Variants in TP73 observed in about 807,000 individuals in gnomAD.
TP73 encodes the protein p53-like transcription factor.
In TP73, 25 loss-of-function variants were observed where a neutral mutation model predicts 62.5. That is an observed-to-expected ratio of 0.40 (90% confidence interval 0.29 to 0.56). The LOEUF (loss-of-function observed/expected upper bound fraction) is 0.56, where lower values mean the gene tolerates loss of function less well. Ranked by LOEUF, TP73 falls within the 20% of genes least tolerant of loss-of-function variation. TP73 has a pLI of 0.46. For missense variants in TP73, 754 were observed against 913.3 expected (o/e 0.83, Z 2.25); for synonymous variants, 423 against 377.5 (o/e 1.12, Z -1.40).
At chr1:3,673,791 C>T (rs1295440701) in intron 1 of TP73, among the ~76,000 whole-genome samples, 2 of 152,198 alleles carry the variant, frequency 1.3e-5, no homozygotes, top group Non-Finnish European at 2.9e-5. Context: ...GTGGATTGGG[C>T]CTCAATGTAC....
chr1:3,733,217 C>T lies in TP73; in HGVS notation c.*138C>T. ...GGGAAAGGCAAGGTCCGGCCCATCC[C>T]CAGGCACCTCACAGGCCCCAGGAAA... On this transcript the variant is annotated 3_prime_UTR_variant, in exon 14 of 14. Coordinates refer to ENST00000378295, the MANE Select transcript of TP73 (RefSeq NM_005427.4). 1 of 1,062,984 alleles carries T rather than the reference C, an allele frequency of 9.4e-7. No homozygotes were observed. Among genetic ancestry groups the T allele is most frequent in the South Asian group, 1.7e-5 (1 of 59,962 alleles). 65.8% of individuals were successfully genotyped at this position (1,062,984 alleles called of 1,614,324 possible).
Position 3,699,091 on chromosome 1 carries a change from G to A in TP73, c.187-8458G>A, listed in dbSNP as rs1363888048. ...GCTGTGGGTGAGAGCAGAGGGTGCT[G>A]TGGATGAGAGCAGAGGGTGCTGTGT... On this transcript the variant is annotated intron_variant, in intron 3 of 13. Coordinates refer to ENST00000378295, the MANE Select transcript of TP73 (RefSeq NM_005427.4). This position sits in a 1 kb window ranked among gnomAD's most constrained non-coding sequence, Gnocchi z 4.1. Among the ~76,000 whole-genome samples, 1 of 152,144 alleles carries A rather than the reference G, an allele frequency of 6.6e-6. No homozygotes were observed. The highest frequency in any genetic ancestry group is 1.9e-4 in the East Asian group (1 of 5,194).
chr1:3,676,242 G>T (rs1007745024), intron 1 of TP73, among the ~76,000 whole-genome samples: 11 of 150,490 alleles, frequency 7.3e-5, no homozygotes, highest in Admixed American at 2.0e-4. Flanking sequence ...ACAGGGAACA[G>T]GGAGGGGACC....
intron 1 of TP73, among the ~76,000 whole-genome samples, chr1:3,653,344 A>C (rs757460260): frequency 3.3e-5 from 5 of 152,066 alleles, no homozygotes; most frequent in African/African-American, 7.2e-5. Flanking sequence ...ACGCCCCCTT[A>C]GCTCCTGGGC....
chr1:3,667,726 G>A (rs1645152018), intron 1 of TP73, among the ~76,000 whole-genome samples: 1 of 150,742 alleles, frequency 6.6e-6, no homozygotes, highest in South Asian at 2.1e-4. Flanking sequence ...CTCCAGCCTG[G>A]GCGACAGAGA....
At chr1:3,706,257 C>T (rs1375657574) in intron 3 of TP73, among the ~76,000 whole-genome samples, 3 of 152,174 alleles carry the variant, frequency 2.0e-5, no homozygotes, top group Admixed American at 6.5e-5. Context: ...TGGGGTCAAT[C>T]GTTTCCCCAG....
chr1:3,690,468 C>G (rs532168063), intron 3 of TP73, among the ~76,000 whole-genome samples: 1 of 152,160 alleles, frequency 6.6e-6, no homozygotes, highest in Non-Finnish European at 1.5e-5. Context: ...GGGCCTGGGG[C>G]CCCCCGAGCC....
intron 1 of TP73, chr1:3,668,500 T>A (rs943049698): frequency 4.1e-5 from 6 of 144,602 alleles, no homozygotes; most frequent in Non-Finnish European, 7.5e-5. Flanking sequence ...TGTTGAATTA[T>A]CTGAACTTGC....
intron 1 of TP73, among the ~76,000 whole-genome samples, chr1:3,673,293 G>A (rs557498867): frequency 1.7e-4 from 26 of 152,216 alleles, no homozygotes; most frequent in Admixed American, 1.3e-3. Context: ...CCACCTTTCC[G>A]CCCCCGTGTG....
At chr1:3,707,420 C>T in intron 3 of TP73, 129 bp from the exon 4 acceptor site, 1 of 1,331,940 alleles carries the variant, frequency 7.5e-7, no homozygotes, top group East Asian at 2.3e-5. Context: ...GGGGGAGAGA[C>T]CCGGGGAAAT....
At chr1:3,719,890 TTGTGTGTGTGTGTG>T (rs5772122) in intron 4 of TP73, among the ~76,000 whole-genome samples, 211 of 132,208 alleles carry the variant, frequency 1.6e-3, no homozygotes, top group African/African-American at 5.3e-3. Flanking sequence ...TTTTTTCTCT[TTGTGTGTGTGTGTG>T]TGTGTGTGTG....
At chr1:3,687,571 AAT>A (rs57765962) in intron 3 of TP73, among the ~76,000 whole-genome samples, 29,524 of 152,124 alleles carry the variant, frequency 0.19, 3,050 homozygotes, top group South Asian at 0.28. Flanking sequence ...AGCGCAGGGC[AAT>A]GAGACCTGCG....
At chr1:3,730,864 G>A in intron 11 of TP73, 63 bp from the exon 12 acceptor site, 5 of 1,518,666 alleles carry the variant, frequency 3.3e-6, no homozygotes, top group Non-Finnish European at 4.4e-6. Context: ...TGGAGCCTGG[G>A]TGGAGGCTGC....
At chr1:3,715,547 C>G (rs1209524278) in intron 4 of TP73, among the ~76,000 whole-genome samples, 1 of 152,012 alleles carries the variant, frequency 6.6e-6, no homozygotes, top group African/African-American at 2.4e-5. Flanking sequence ...CAGTGCCTGA[C>G]CTCCCAGGGC....
At position 3,662,919 on chromosome 1, in the gene TP73, GA is replaced by G. The variant is rs1362197402; in HGVS notation, c.-34+10281del. Among the ~76,000 whole-genome samples the G allele has an allele frequency of 2.0e-5, 3 of 152,228 alleles. No individual in the cohort carries two copies. Among genetic ancestry groups the G allele is most frequent in the Non-Finnish European group, 4.4e-5 (3 of 68,038 alleles). The stretch of plus-strand genomic sequence containing the variant: ...GCTCCGAGCGCTCTCAGAGAAAAAC[GA>G]AATTCTCTTTTATAAGAGAAACTTG... On this transcript the variant is annotated intron_variant, in intron 1 of 13. Coordinates refer to ENST00000378295, the MANE Select transcript of TP73 (RefSeq NM_005427.4). This position sits in a 1 kb window ranked among gnomAD's most constrained non-coding sequence, Gnocchi z 4.4.
At chr1:3,679,899 CTG>C (rs1371731803) in intron 1 of TP73, among the ~76,000 whole-genome samples, 2 of 152,046 alleles carry the variant, frequency 1.3e-5, no homozygotes, top group East Asian at 3.9e-4. Flanking sequence ...CTCCGTCTCT[CTG>C]TCTCTCTTCC....
chr1:3,674,264 TGCCTCCCCTCCCCTCCCGCTTCCCGTGG>T (rs1289997693), intron 1 of TP73, among the ~76,000 whole-genome samples: 2 of 152,204 alleles, frequency 1.3e-5, no homozygotes, highest in Non-Finnish European at 2.9e-5. Flanking sequence ...CCTGGGCATC[TGCCTCCCCTCCCCTCCCGCTTCCCGTGG>T]GCCACGGCCC....
rs1318760103 is a variant in TP73 at position 3,671,497 on chromosome 1, A to G, written c.-33-10836A>G. 2.6e-5 allele frequency among the ~76,000 whole-genome samples: 4 copies of G among 152,286 alleles called. No homozygotes were observed. The South Asian group carries it at 6.2e-4, about 24-fold the overall frequency. ...TTGGGCTGACCCAGCCATCGTCGGG[A>G]GCCCCCTTCGTGACGGGGGCAAAGG... On this transcript the variant is annotated intron_variant, in intron 1 of 13. Transcript: ENST00000378295.
chr1:3,712,102 G>A (rs1640200971), intron 4 of TP73: 1 of 152,196 alleles, frequency 6.6e-6, no homozygotes, highest in Non-Finnish European at 1.5e-5. Flanking sequence ...CACGATCATG[G>A]TATCAATTGC....
Sources: gnomAD v4.1 joint callset for allele counts (sites outside exome capture counted in the v4.1 genomes callset) on GRCh38, gnomAD v4.1.1 for gene constraint, Gnocchi (gnomAD v3.1) non-coding constraint, MANE v1.5 for transcripts, NCBI Gene and HGNC (gene_info 2026-07-23, HGNC 2026-07-21) for gene names.